PCDH15: variants seen among roughly 807,000 people sequenced by gnomAD.
The protein encoded by PCDH15 is protocadherin-15.
A neutral mutation model predicts 178.5 loss-of-function variants in PCDH15; 129 were observed. The ratio of observed to expected loss-of-function variants is 0.72; its 90% CI spans 0.63 to 0.84. PCDH15 has a LOEUF of 0.84. Among genes scored for constraint, PCDH15 ranks in the 40% least tolerant of loss-of-function variants. The pLI, the probability that PCDH15 is intolerant of heterozygous loss-of-function variation, is 0.00. For missense variants in PCDH15, 2,230 were observed against 2,099.9 expected (o/e 1.06, Z -1.21); for synonymous variants, 800 against 732.0 (o/e 1.09, Z -1.50).
chr10:55,622,767 C>T (rs1297723591), intron 2 of PCDH15, among the ~76,000 whole-genome samples: 2 of 152,146 alleles, frequency 1.3e-5, no homozygotes, highest in South Asian at 4.1e-4. Context: ...ATTTCTCACA[C>T]TGGCAAAAGA....
At chr10:55,340,987 C>T (rs543575965) in intron 2 of PCDH15, among the ~76,000 whole-genome samples, 11 of 151,910 alleles carry the variant, frequency 7.2e-5, no homozygotes, top group African/African-American at 2.6e-4. Context: ...ATCTCATTTT[C>T]TTTTATTTTG....
chr10:54,621,992 G>C (rs896084924), intron 2 of PCDH15, among the ~76,000 whole-genome samples: 3 of 152,010 alleles, frequency 2.0e-5, no homozygotes, highest in Non-Finnish European at 2.9e-5. Context: ...CTTTGAGTTA[G>C]AGTTATTACT....
At chr10:54,904,601 A>C (rs1685445852) in intron 2 of PCDH15, among the ~76,000 whole-genome samples, 2 of 152,132 alleles carry the variant, frequency 1.3e-5, no homozygotes. Flanking sequence ...TAATGGATAG[A>C]AATATAAAGA....
At chr10:54,948,939 T>G (rs539618660) in intron 2 of PCDH15, among the ~76,000 whole-genome samples, 9 of 151,944 alleles carry the variant, frequency 5.9e-5, no homozygotes, top group Non-Finnish European at 1.0e-4. Flanking sequence ...TTAGCCTTGG[T>G]CTCTTTTTTT....
chr10:55,068,878 T>C (rs1402369603), intron 2 of PCDH15, among the ~76,000 whole-genome samples: 1 of 151,830 alleles, frequency 6.6e-6, no homozygotes, highest in Non-Finnish European at 1.5e-5. Flanking sequence ...GTAAATGGAA[T>C]TGCCTTCTCT....
intron 32 of PCDH15, chr10:53,821,741 G>C: frequency 6.5e-7 from 1 of 1,538,806 alleles, no homozygotes; most frequent in South Asian, 1.2e-5. Flanking sequence ...AAAAAAAACT[G>C]CATTTCATTG....
intron 8 of PCDH15, among the ~76,000 whole-genome samples, chr10:54,241,782 A>T (rs2055325494): frequency 6.6e-6 from 1 of 152,062 alleles, no homozygotes; most frequent in Admixed American, 6.5e-5. Flanking sequence ...GTCCATATAA[A>T]GAGATTCATA....
chr10:54,014,327 T>C (rs144889658), intron 20 of PCDH15, among the ~76,000 whole-genome samples: 435 of 92,562 alleles, frequency 4.7e-3, no homozygotes, highest in African/African-American at 0.018. Context: ...CACAGCCAAA[T>C]TCTACCACAT....
intron 25 of PCDH15, among the ~76,000 whole-genome samples, chr10:53,925,813 G>T (rs2084489429): frequency 1.3e-5 from 2 of 152,138 alleles, no homozygotes; most frequent in South Asian, 4.1e-4. Flanking sequence ...GAGGTCAAGA[G>T]ATACTTTTTC....
At position 54,762,299 on chromosome 10, in the gene PCDH15, C is replaced by T. The variant is rs1003996175; in HGVS notation, c.-29+38626G>A. Among the ~76,000 whole-genome samples the T allele has an allele frequency of 3.9e-5, 6 of 152,084 alleles. 1 individual carries two copies. The highest frequency in any genetic ancestry group is 7.2e-5 in the African/African-American group (3 of 41,476). On this transcript the variant is annotated intron_variant, in intron 1 of 37. Coordinates refer to ENST00000644397, the MANE Select transcript of PCDH15 (RefSeq NM_001384140.1). ...AGAAAAAATTTGCTGGAGATATTAG[C>T]AGAACATGTCGTACTTAAAAAAATG...
At chr10:54,397,515 C>G (rs1186843243) in intron 3 of PCDH15, among the ~76,000 whole-genome samples, 2 of 151,996 alleles carry the variant, frequency 1.3e-5, no homozygotes, top group Admixed American at 1.3e-4. Flanking sequence ...TTAACTCTAT[C>G]TGGTATAATT....
intron 8 of PCDH15, among the ~76,000 whole-genome samples, chr10:54,253,217 A>T (rs1239021228): frequency 3.3e-5 from 5 of 152,066 alleles, no homozygotes; most frequent in African/African-American, 1.2e-4. Flanking sequence ...AATAAAAATA[A>T]CTTTGTTTTG....
At chr10:55,089,335 G>A (rs1442653025) in intron 2 of PCDH15, among the ~76,000 whole-genome samples, 3 of 152,056 alleles carry the variant, frequency 2.0e-5, no homozygotes, top group Non-Finnish European at 4.4e-5. Flanking sequence ...TCTTGCAATA[G>A]TTAATAAGAA....
At chr10:53,926,462 G>A (rs1046651887) in intron 25 of PCDH15, among the ~76,000 whole-genome samples, 1 of 152,102 alleles carries the variant, frequency 6.6e-6, no homozygotes, top group African/African-American at 2.4e-5. Flanking sequence ...AGTATCTCAG[G>A]TAATTATCAC....
intron 2 of PCDH15, among the ~76,000 whole-genome samples, chr10:55,561,993 C>A (rs569713267): frequency 2.0e-5 from 3 of 152,062 alleles, no homozygotes; most frequent in African/African-American, 7.2e-5. Flanking sequence ...CATTAACTGA[C>A]AAAGCTTCTA....
At chr10:54,952,298 CAG>C in intron 2 of PCDH15, among the ~76,000 whole-genome samples, 1 of 151,930 alleles carries the variant, frequency 6.6e-6, no homozygotes, top group Middle Eastern at 3.4e-3. Flanking sequence ...GCTCCTTTGT[CAG>C]AGATTAGCTA....
chr10:54,186,566 G>C (rs925923861), intron 11 of PCDH15, among the ~76,000 whole-genome samples: 1 of 151,858 alleles, frequency 6.6e-6, no homozygotes, highest in African/African-American at 2.4e-5. Flanking sequence ...ATCTCATTCT[G>C]TAGTAGCTTC....
intron 2 of PCDH15, among the ~76,000 whole-genome samples, chr10:54,635,357 T>C (rs1051880265): frequency 6.7e-6 from 1 of 149,840 alleles, no homozygotes; most frequent in African/African-American, 2.4e-5. Flanking sequence ...GACATTCGTG[T>C]TTAATTTTCC....
At chr10:54,952,290 T>C (rs1838365006) in intron 2 of PCDH15, among the ~76,000 whole-genome samples, 1 of 151,844 alleles carries the variant, frequency 6.6e-6, no homozygotes, top group Non-Finnish European at 1.5e-5. Flanking sequence ...TGCCTTTTGC[T>C]CCTTTGTCAG....
Sources: gnomAD v4.1 joint callset for allele counts (sites outside exome capture counted in the v4.1 genomes callset) on GRCh38, gnomAD v4.1.1 for gene constraint, MANE v1.5 for transcripts, NCBI Gene and HGNC (gene_info 2026-07-23, HGNC 2026-07-21) for gene names.